The following KIF21A variants were observed in gnomAD, a reference collection of about 807,000 sequenced individuals.
The protein encoded by KIF21A is kinesin family member 21A.
KIF21A carries 114 observed loss-of-function variants against 202.9 expected under a neutral mutation model. The ratio of observed to expected loss-of-function variants is 0.56; its 90% CI spans 0.48 to 0.66. The LOEUF (loss-of-function observed/expected upper bound fraction) is 0.66, where lower values mean the gene tolerates loss of function less well. Among genes scored for constraint, KIF21A ranks in the 30% least tolerant of loss-of-function variants. KIF21A has a pLI of 0.00. For synonymous variants in KIF21A, 667 were observed against 670.8 expected (o/e 0.99, Z 0.09); for missense variants, 1,677 against 1,994.9 (o/e 0.84, Z 3.04).
chr12:39,401,301 G>C (rs916571489), intron 1 of KIF21A, among the ~76,000 whole-genome samples: 2 of 152,142 alleles, frequency 1.3e-5, no homozygotes, highest in African/African-American at 4.8e-5. Flanking sequence ...CGAGCTAAAA[G>C]ATTAGAGAAG....
chr12:39,303,487 TTTG>T (rs1407577515), intron 35 of KIF21A, among the ~76,000 whole-genome samples: 2 of 152,154 alleles, frequency 1.3e-5, no homozygotes, highest in Non-Finnish European at 2.9e-5. Flanking sequence ...TGTTTTGTTA[TTTG>T]TTGTTATGTA....
intron 1 of KIF21A, among the ~76,000 whole-genome samples, chr12:39,375,558 C>A (rs74088369): frequency 6.6e-6 from 1 of 152,106 alleles, no homozygotes; most frequent in African/African-American, 2.4e-5. Context: ...TCTCAATGCC[C>A]ACCTGCTTGC....
chr12:39,421,396 A>G (rs1954244480), intron 1 of KIF21A, among the ~76,000 whole-genome samples: 1 of 152,218 alleles, frequency 6.6e-6, no homozygotes, highest in Non-Finnish European at 1.5e-5. Flanking sequence ...TATATTAAAA[A>G]TATGATAGGC....
intron 28 of KIF21A, 146 bp from the exon 29 acceptor site, chr12:39,318,347 A>G (rs1377675437): frequency 2.7e-6 from 2 of 751,154 alleles, no homozygotes; most frequent in Admixed American, 5.6e-5. Flanking sequence ...GATAAAATGC[A>G]TTCTGAACAA....
chr12:39,415,266 G>A (rs1478569414), intron 1 of KIF21A, among the ~76,000 whole-genome samples: 1 of 113,016 alleles, frequency 8.8e-6, no homozygotes, highest in Non-Finnish European at 1.7e-5. Flanking sequence ...TTGAGATGGA[G>A]TCTTGCTCTG....
At chr12:39,423,261 T>A (rs1321228114) in intron 1 of KIF21A, among the ~76,000 whole-genome samples, 1 of 151,960 alleles carries the variant, frequency 6.6e-6, no homozygotes, top group African/African-American at 2.4e-5. Context: ...CGGAGATGAG[T>A]TTTTTTCTTG....
In KIF21A at chr12:39,330,857, T is replaced by C; in HGVS notation, c.3208A>G (p.Lys1070Glu). Residue 1070 changes from lysine (K) to glutamate (E), a missense_variant, in exon 23 of 38, where the codon AAA becomes GAA. Lys to Glu is a moderately conservative substitution (Grantham distance 56). Around this residue, in one of 3 missense-constraint regions of KIF21A, gnomAD observed 705 missense variants for 791.9 expected, o/e 0.89. Transcript: ENST00000361418. The stretch of plus-strand genomic sequence containing the variant: ...GTAGCACTGGTTATTTCTGTTTGTT[T>C]GAGTCGACCTTCCAGTACTTTAATT... ...AQIKVLEGRLKQTEITSATQN... is the reference protein window; with the variant it reads ...AQIKVLEGRLEQTEITSATQN... The C allele has an allele frequency of 1.2e-6, 2 of 1,614,030 alleles. No homozygotes were observed. Among genetic ancestry groups the C allele is most frequent in the Non-Finnish European group, 1.7e-6 (2 of 1,179,914 alleles).
At chr12:39,375,872 TATA>T (rs1272172601) in intron 1 of KIF21A, among the ~76,000 whole-genome samples, 1 of 152,106 alleles carries the variant, frequency 6.6e-6, no homozygotes, top group East Asian at 1.9e-4. Context: ...TATTAAATAT[TATA>T]ATATTATTGC....
chr12:39,400,277 T>C (rs1293468352), intron 1 of KIF21A, among the ~76,000 whole-genome samples: 2 of 152,218 alleles, frequency 1.3e-5, no homozygotes, highest in Non-Finnish European at 2.9e-5. Context: ...AGTCTCTTTT[T>C]TTCCTTCAAC....
chr12:39,439,740 A>G (rs1255425824), intron 1 of KIF21A, among the ~76,000 whole-genome samples: 4 of 152,194 alleles, frequency 2.6e-5, no homozygotes, highest in Non-Finnish European at 1.5e-5. Context: ...ATCTCACTGA[A>G]AGAAACCCCA....
At chr12:39,307,363 G>T (rs150937277) in intron 34 of KIF21A, among the ~76,000 whole-genome samples, 1,951 of 151,900 alleles carry the variant, frequency 0.013, 17 homozygotes, top group Non-Finnish European at 0.02. Flanking sequence ...CCCCAGCAAC[G>T]GAGATTAAAA....
chr12:39,302,035 C>A (rs867195181), intron 36 of KIF21A, among the ~76,000 whole-genome samples: 113 of 152,224 alleles, frequency 7.4e-4, no homozygotes, highest in African/African-American at 2.6e-3. Flanking sequence ...AAAACTGCAA[C>A]CTGGTATGTG....
At chr12:39,312,550 T>C (rs1268265596) in intron 31 of KIF21A, 1 of 152,000 alleles carries the variant, frequency 6.6e-6, no homozygotes, top group Non-Finnish European at 1.5e-5. Context: ...AAAGGATAAT[T>C]GCTTGAGGGG....
chr12:39,316,993 T>C (rs982231030), intron 29 of KIF21A, among the ~76,000 whole-genome samples: 6 of 152,196 alleles, frequency 3.9e-5, no homozygotes, highest in East Asian at 1.9e-4. Context: ...CTAGTGAAAC[T>C]TGACTTCCCA....
chr12:39,376,669 C>T (rs954714291), intron 1 of KIF21A, among the ~76,000 whole-genome samples: 24 of 152,274 alleles, frequency 1.6e-4, no homozygotes, highest in African/African-American at 4.8e-4. Flanking sequence ...AGAACCCATA[C>T]ATTTTTTCAA....
chr12:39,294,144 G>A lies in KIF21A; in HGVS notation c.*280C>T. On this transcript the variant is annotated 3_prime_UTR_variant, in exon 38 of 38. Transcript: ENST00000361418. ...TTGGTAATTCAAATAATTTGAAAGTGTGTTTTATAGATAGGCACAAAAATT... is the reference window on the plus strand; with the variant it reads ...TTGGTAATTCAAATAATTTGAAAGTATGTTTTATAGATAGGCACAAAAATT... The A allele has an allele frequency of 3.1e-6, 1 of 325,598 alleles. No individual in the cohort carries two copies. Among genetic ancestry groups the A allele is most frequent in the Non-Finnish European group, 5.7e-6 (1 of 174,192 alleles). 20.2% of individuals were successfully genotyped at this position (325,598 alleles called of 1,614,324 possible).
rs528921927 is a variant in KIF21A at position 39,340,220 on chromosome 12, T to C, written c.2255A>G (p.Tyr752Cys). Residue 752 changes from tyrosine to cysteine, a missense_variant, in exon 16 of 38, where the codon TAT (tyrosine) becomes TGT (cysteine). Physicochemically the swap from Tyr to Cys is radical, Grantham distance 194 (BLOSUM62 -2). Transcript: ENST00000361418. ...HARLLKNQSQ[Y>C]EKQLKKLQQD... ...CTGCAATTTCTTCAATTGCTTTTCA[T>C]ACTGAGACTGATTTTTAAGCAACCT... 4 of 1,613,168 alleles carry C rather than the reference T, an allele frequency of 2.5e-6. No individual in the cohort carries two copies. In the African/African-American group the frequency reaches 4.0e-5, roughly 16 times the overall value.
intron 37 of KIF21A, among the ~76,000 whole-genome samples, chr12:39,296,219 C>T (rs1942348885): frequency 6.6e-6 from 1 of 151,636 alleles, no homozygotes; most frequent in East Asian, 2.0e-4. Flanking sequence ...CAGGCGCCCA[C>T]CACCATGGCT....
At chr12:39,416,715 G>GTATATATGTACATATATATGTGTATA (rs1953706702) in intron 1 of KIF21A, among the ~76,000 whole-genome samples, 35 of 74,298 alleles carry the variant, frequency 4.7e-4, no homozygotes, top group Non-Finnish European at 6.3e-4. Flanking sequence ...ATATATGTGT[G>GTATATATGTACATATATATGTGTATA]TATATATGTA....
Sources: gnomAD v4.1 joint callset for allele counts (sites outside exome capture counted in the v4.1 genomes callset) on GRCh38, gnomAD v4.1.1 for gene constraint, gnomAD v4.1.1 regional missense constraint, MANE v1.5 for transcripts, NCBI Gene and HGNC (gene_info 2026-07-23, HGNC 2026-07-21) for gene names.